Variants in FRMD3 observed in about 807,000 individuals in gnomAD.
FRMD3 encodes FERM domain-containing protein 3.
In FRMD3, 33 loss-of-function variants were observed where a neutral mutation model predicts 70.2. The ratio of observed to expected loss-of-function variants is 0.47; its 90% CI spans 0.36 to 0.63. FRMD3 has a LOEUF of 0.63. Ranked by LOEUF, FRMD3 falls within the 20% of genes least tolerant of loss-of-function variation. The pLI is 0.00. For synonymous variants in FRMD3, 279 were observed against 255.9 expected (o/e 1.09, Z -0.86); for missense variants, 632 against 711.4 (o/e 0.89, Z 1.27).
intron 2 of FRMD3, among the ~76,000 whole-genome samples, chr9:83,385,910 C>A (rs79203970): frequency 6.6e-6 from 1 of 152,068 alleles, no homozygotes; most frequent in Non-Finnish European, 1.5e-5. Context: ...TTCTTATAAA[C>A]ATTTCTAGGT....
intron 5 of FRMD3, among the ~76,000 whole-genome samples, chr9:83,336,998 C>G (rs150769436): frequency 1.3e-3 from 202 of 152,160 alleles, no homozygotes; most frequent in East Asian, 0.011. Context: ...CCTTTGTGTC[C>G]TCTGCCTCAC....
At chr9:83,362,703 T>C (rs569543694) in intron 3 of FRMD3, among the ~76,000 whole-genome samples, 13 of 152,314 alleles carry the variant, frequency 8.5e-5, no homozygotes, top group Admixed American at 7.8e-4. Flanking sequence ...TCTGTTTCTA[T>C]AGAACATGCT....
At chr9:83,469,505 G>A (rs1828214107) in intron 1 of FRMD3, among the ~76,000 whole-genome samples, 1 of 152,196 alleles carries the variant, frequency 6.6e-6, no homozygotes, top group African/African-American at 2.4e-5. Flanking sequence ...CAACAGGGAA[G>A]TGCCTGGTGA....
At chr9:83,438,587 A>G (rs1453399028) in intron 1 of FRMD3, among the ~76,000 whole-genome samples, 1 of 152,084 alleles carries the variant, frequency 6.6e-6, no homozygotes. Context: ...TTTAGTAGAG[A>G]CAGGGTTTCA....
chr9:83,286,310 TA>T (rs955813333), intron 13 of FRMD3, among the ~76,000 whole-genome samples: 1 of 147,402 alleles, frequency 6.8e-6, no homozygotes, highest in Non-Finnish European at 1.5e-5. Context: ...ATCTGATTTT[TA>T]AAAAATTTTT....
chr9:83,361,359 A>G (rs1217488356), intron 3 of FRMD3, among the ~76,000 whole-genome samples: 1 of 152,266 alleles, frequency 6.6e-6, no homozygotes, highest in African/African-American at 2.4e-5. Flanking sequence ...GAACAGGTGA[A>G]GAAATTTTCC....
chr9:83,502,613 C>G (rs1175270697), intron 1 of FRMD3, among the ~76,000 whole-genome samples: 1 of 152,078 alleles, frequency 6.6e-6, no homozygotes, highest in Non-Finnish European at 1.5e-5. Context: ...GCAGACAAAT[C>G]AGGATGGTAC....
chr9:83,399,315 G>A (rs1441592471), intron 1 of FRMD3, among the ~76,000 whole-genome samples: 1 of 152,086 alleles, frequency 6.6e-6, no homozygotes, highest in East Asian at 1.9e-4. Context: ...CCTCTACTGC[G>A]TACTGTGGCT....
chr9:83,290,840 C>T, intron 12 of FRMD3, 113 bp from the exon 13 acceptor site: 2 of 1,104,448 alleles, frequency 1.8e-6, no homozygotes, highest in South Asian at 1.6e-5. Context: ...TACCTCCAGA[C>T]ACAGTGAATT....
intron 1 of FRMD3, among the ~76,000 whole-genome samples, chr9:83,448,816 A>T (rs1020273813): frequency 2.6e-5 from 4 of 152,200 alleles, no homozygotes; most frequent in African/African-American, 7.2e-5. Flanking sequence ...GAGAGCAGTG[A>T]CCAACAGTTA....
At chr9:83,447,093 G>C (rs1039264331) in intron 1 of FRMD3, among the ~76,000 whole-genome samples, 1 of 152,050 alleles carries the variant, frequency 6.6e-6, no homozygotes, top group African/African-American at 2.4e-5. Flanking sequence ...GCGCCATCTC[G>C]GCTCACTGCA....
At chr9:83,484,346 T>G (rs1325477357) in intron 1 of FRMD3, among the ~76,000 whole-genome samples, 1 of 152,200 alleles carries the variant, frequency 6.6e-6, no homozygotes, top group Non-Finnish European at 1.5e-5. Context: ...TAAGGGGAAA[T>G]GTGGCAAGAG....
intron 3 of FRMD3, among the ~76,000 whole-genome samples, chr9:83,360,379 A>C (rs1375227799): frequency 6.6e-6 from 1 of 152,192 alleles, no homozygotes; most frequent in East Asian, 1.9e-4. Context: ...CTCTCCCACC[A>C]AAGGGAGACA....
At chr9:83,323,649 C>T (rs11140024) in intron 6 of FRMD3, among the ~76,000 whole-genome samples, 6 of 152,224 alleles carry the variant, frequency 3.9e-5, no homozygotes, top group South Asian at 2.1e-4. Context: ...TAAACTTCCA[C>T]GCCTCCAGAA....
intron 1 of FRMD3, among the ~76,000 whole-genome samples, chr9:83,447,232 C>G (rs1158085179): frequency 6.6e-6 from 1 of 152,156 alleles, no homozygotes; most frequent in African/African-American, 2.4e-5. Flanking sequence ...ATCATGTTGG[C>G]TAGGCTGGTC....
At position 83,535,825 on chromosome 9, in the gene FRMD3, A is replaced by ATATACAATCCTT. The variant is rs577588634; in HGVS notation, c.147+2248_147+2259dup. Among the ~76,000 whole-genome samples, 240 of 152,304 alleles carry ATATACAATCCTT rather than the reference A, an allele frequency of 1.6e-3. 2 individuals are homozygous for ATATACAATCCTT. Among genetic ancestry groups the ATATACAATCCTT allele is most frequent in the Admixed American group, 4.1e-3 (63 of 15,300 alleles). The stretch of plus-strand genomic sequence containing the variant: ...AGAGAGGGTGACATTCTGTGACAAT[A>ATATACAATCCTT]TATACAATCCTTTAACTTTGTAGTT... On this transcript the variant is annotated intron_variant, in intron 1 of 13. Transcript: ENST00000304195.
intron 1 of FRMD3, among the ~76,000 whole-genome samples, chr9:83,506,728 G>A (rs1488436056): frequency 3.3e-5 from 5 of 152,140 alleles, no homozygotes; most frequent in Admixed American, 3.3e-4. Flanking sequence ...TTCTTCAAAA[G>A]TAAATTAACC....
intron 1 of FRMD3, among the ~76,000 whole-genome samples, chr9:83,398,154 A>G (rs1043786770): frequency 6.6e-6 from 1 of 152,226 alleles, no homozygotes; most frequent in Non-Finnish European, 1.5e-5. Flanking sequence ...GTAAATTCAC[A>G]CATTTTGTTA....
chr9:83,557,554 G>A, the FRMD3 span, among the ~76,000 whole-genome samples: 8 of 152,320 alleles, frequency 5.3e-5, no homozygotes, highest in South Asian at 1.5e-3. Flanking sequence ...ATGACATTTC[G>A]TATAATGTAG....
Sources: gnomAD v4.1 joint callset for allele counts (sites outside exome capture counted in the v4.1 genomes callset) on GRCh38, gnomAD v4.1.1 for gene constraint, MANE v1.5 for transcripts, NCBI Gene and HGNC (gene_info 2026-07-23, HGNC 2026-07-21) for gene names.